The following FHIT variants were observed in gnomAD, a reference collection of about 807,000 sequenced individuals.
FHIT encodes fragile histidine triad diadenosine triphosphatase.
FHIT carries 19 observed loss-of-function variants against 17.9 expected under a neutral mutation model. That is an observed-to-expected ratio of 1.06 (90% CI 0.74 to 1.56). The LOEUF is 1.56. FHIT is among the 40% of genes most tolerant of loss of function. The pLI is 0.00. For missense variants in FHIT, 248 were observed against 189.2 expected (o/e 1.31, Z -1.82); for synonymous variants, 81 against 69.7 (o/e 1.16, Z -0.81).
chr3:61,026,350 T>C (rs539240687), intron 3 of FHIT, among the ~76,000 whole-genome samples: 1 of 152,254 alleles, frequency 6.6e-6, no homozygotes, highest in South Asian at 2.1e-4. Context: ...TCCAATTCTC[T>C]CCGAGCCTTG....
At chr3:60,348,322 A>G (rs1710901862) in intron 5 of FHIT, among the ~76,000 whole-genome samples, 1 of 152,210 alleles carries the variant, frequency 6.6e-6, no homozygotes, top group East Asian at 1.9e-4. Context: ...CCTGTAAGCA[A>G]AATAATAAAC....
At chr3:60,518,785 G>C (rs543588134) in intron 5 of FHIT, among the ~76,000 whole-genome samples, 3 of 152,300 alleles carry the variant, frequency 2.0e-5, no homozygotes, top group African/African-American at 7.2e-5. Flanking sequence ...GAGGCAGGCA[G>C]ATTGCTTGAG....
chr3:60,059,254 C>A (rs145481245), intron 5 of FHIT, among the ~76,000 whole-genome samples: 2 of 152,136 alleles, frequency 1.3e-5, no homozygotes, highest in South Asian at 2.1e-4. Flanking sequence ...CACAAGCATG[C>A]GCATTAAGAG....
intron 5 of FHIT, among the ~76,000 whole-genome samples, chr3:60,058,334 T>G (rs1702169046): frequency 6.6e-6 from 1 of 151,978 alleles, no homozygotes; most frequent in Non-Finnish European, 1.5e-5. Flanking sequence ...TTTCACCATG[T>G]TGGGCAGGAT....
chr3:60,516,271 TTAA>T (rs1329951068), intron 5 of FHIT, among the ~76,000 whole-genome samples: 2 of 152,222 alleles, frequency 1.3e-5, no homozygotes, highest in Admixed American at 1.3e-4. Context: ...ATGTAATATT[TTAA>T]TAATATTTTC....
intron 8 of FHIT, among the ~76,000 whole-genome samples, chr3:59,893,760 C>G (rs920144024): frequency 6.6e-6 from 1 of 152,220 alleles, no homozygotes; most frequent in Non-Finnish European, 1.5e-5. Flanking sequence ...AACTCCTATG[C>G]GTCCACAGCA....
intron 3 of FHIT, among the ~76,000 whole-genome samples, chr3:60,962,385 A>G (rs1391159066): frequency 6.6e-6 from 1 of 152,184 alleles, no homozygotes; most frequent in Non-Finnish European, 1.5e-5. Flanking sequence ...AACAGGGACA[A>G]TTTGACTTCC....
chr3:60,465,732 G>C (rs1442522609), intron 5 of FHIT, among the ~76,000 whole-genome samples: 1 of 151,834 alleles, frequency 6.6e-6, no homozygotes, highest in Non-Finnish European at 1.5e-5. Flanking sequence ...GTCCTCTATA[G>C]TGTTCCATTG....
intron 2 of FHIT, among the ~76,000 whole-genome samples, chr3:61,095,795 A>T (rs2035620407): frequency 6.6e-6 from 1 of 152,200 alleles, no homozygotes; most frequent in Non-Finnish European, 1.5e-5. Flanking sequence ...TCACTCCTGC[A>T]AGGCAGAGAG....
intron 4 of FHIT, among the ~76,000 whole-genome samples, chr3:60,539,178 G>A (rs992444381): frequency 2.0e-4 from 31 of 152,164 alleles, no homozygotes; most frequent in Non-Finnish European, 4.1e-4. Context: ...GCAGCCAACA[G>A]ACACATGAAA....
rs28472466 is a variant in FHIT at position 61,149,042 on chromosome 3, C to T, written c.-164+51575G>A. Among the ~76,000 whole-genome samples, 96 of 152,236 alleles carry T rather than the reference C, an allele frequency of 6.3e-4. 1 individual carries two copies. The highest frequency in any genetic ancestry group is 1.4e-3 in the Admixed American group (22 of 15,290). On this transcript the variant is annotated intron_variant, in intron 2 of 9. Transcript: ENST00000492590. ...TGTTAGTTTTAACAATTAAAACTTA[C>T]GTTTAACTGAAAGTATAGTAGAGAA...
intron 3 of FHIT, among the ~76,000 whole-genome samples, chr3:60,924,908 G>A (rs188141331): frequency 1.5e-4 from 23 of 152,242 alleles, no homozygotes; most frequent in Middle Eastern, 3.4e-3. Context: ...ACTACGTGAC[G>A]AATACACAAG....
intron 5 of FHIT, among the ~76,000 whole-genome samples, chr3:60,198,347 T>C (rs1170862255): frequency 2.0e-5 from 3 of 152,192 alleles, no homozygotes; most frequent in African/African-American, 7.2e-5. Context: ...GTATTTGACT[T>C]TTAAATTTCA....
At chr3:60,029,905 G>GTGTGTGTGTGTC (rs1700925988) in intron 5 of FHIT, among the ~76,000 whole-genome samples, 2 of 147,350 alleles carry the variant, frequency 1.4e-5, no homozygotes, top group East Asian at 2.0e-4. Flanking sequence ...GTCTGTGTGT[G>GTGTGTGTGTGTC]TGTGTGTGTG....
intron 8 of FHIT, among the ~76,000 whole-genome samples, chr3:59,783,962 A>C (rs564540431): frequency 3.7e-4 from 56 of 152,264 alleles, no homozygotes; most frequent in Non-Finnish European, 6.5e-4. Flanking sequence ...AGAAACCTTA[A>C]ATAGGAAGTC....
chr3:59,958,200 CACATATCTTG>C (rs767813442), intron 7 of FHIT, among the ~76,000 whole-genome samples: 29 of 152,324 alleles, frequency 1.9e-4, no homozygotes, highest in Admixed American at 4.6e-4. Context: ...ACAAAATTGG[CACATATCTTG>C]ATAGTTGCAT....
rs2040167491 is a variant in FHIT at position 60,658,481 on chromosome 3, A to T, written c.-17-121502T>A. ...TTTCTTTGTAGTTACCACAGGGATT[A>T]TATTTAATATCCTAAAGTTATCGAT... is the stretch of plus-strand genomic sequence containing the variant. On this transcript the variant is annotated intron_variant, in intron 4 of 9. Transcript: ENST00000492590. Among the ~76,000 whole-genome samples the T allele has an allele frequency of 2.0e-5, 3 of 152,148 alleles. No homozygotes were observed. In the South Asian group the frequency reaches 6.2e-4, roughly 32 times the overall value.
At chr3:59,963,894 T>C (rs1707802976) in intron 7 of FHIT, among the ~76,000 whole-genome samples, 1 of 152,230 alleles carries the variant, frequency 6.6e-6, no homozygotes, top group South Asian at 2.1e-4. Context: ...GGATGTAAAC[T>C]AATAAACAGA....
At chr3:60,206,630 C>G (rs1363951660) in intron 5 of FHIT, among the ~76,000 whole-genome samples, 2 of 152,150 alleles carry the variant, frequency 1.3e-5, no homozygotes, top group African/African-American at 4.8e-5. Flanking sequence ...TGCAGGACCC[C>G]TTGTATGATT....
Sources: gnomAD v4.1 joint callset for allele counts (sites outside exome capture counted in the v4.1 genomes callset) on GRCh38, gnomAD v4.1.1 for gene constraint, MANE v1.5 for transcripts, NCBI Gene and HGNC (gene_info 2026-07-23, HGNC 2026-07-21) for gene names.